Variants in STAT3 observed in about 807,000 individuals in gnomAD.
STAT3 encodes the protein DNA-binding protein APRF.
A neutral mutation model predicts 114.3 loss-of-function variants in STAT3; 7 were observed. The observed-to-expected ratio is 0.06, with a 90% confidence interval of 0.03 to 0.11. The LOEUF (loss-of-function observed/expected upper bound fraction) is 0.11, where lower values mean the gene tolerates loss of function less well. Among genes scored for constraint, STAT3 ranks in the 10% least tolerant of loss-of-function variants. STAT3 has a pLI of 1.00. For synonymous variants in STAT3, 331 were observed against 354.5 expected, an observed-to-expected ratio of 0.93 and a Z score of 0.74; for missense variants, 364 against 960.9, an observed-to-expected ratio of 0.38 and a Z score of 8.21.
Position 42,315,548 on chromosome 17 carries a change from G to A in STAT3, c.*197C>T, listed in dbSNP as rs2081214970. 2 of 645,026 alleles carry A rather than the reference G, an allele frequency of 3.1e-6. No homozygotes were observed. Among genetic ancestry groups the A allele is most frequent in the Non-Finnish European group, 5.5e-6 (2 of 361,278 alleles). The allele number at this position is 645,026 out of a possible 1,614,324, so 40.0% of individuals were successfully genotyped here. ...CCTTATTTGCATTTAGATAAAAGCA[G>A]ATCACCCACATTCACTCATTTCTCT... On this transcript the variant is annotated 3_prime_UTR_variant, in exon 24 of 24. Transcript: ENST00000264657.
chr17:42,359,097 G>A (rs562748974), intron 1 of STAT3, among the ~76,000 whole-genome samples: 28 of 151,702 alleles, frequency 1.8e-4, no homozygotes, highest in African/African-American at 5.1e-4. Context: ...CACCACACCC[G>A]GCTAATTTTT....
intron 1 of STAT3, among the ~76,000 whole-genome samples, chr17:42,350,908 G>A (rs1265666249): frequency 2.0e-5 from 3 of 152,072 alleles, no homozygotes; most frequent in Non-Finnish European, 4.4e-5. Context: ...CAAGGCAGGC[G>A]GATCATGAGG....
At chr17:42,375,864 A>G (rs2084425079) in intron 1 of STAT3, among the ~76,000 whole-genome samples, 1 of 151,620 alleles carries the variant, frequency 6.6e-6, no homozygotes, top group South Asian at 2.1e-4. Flanking sequence ...AAGAAAAGAA[A>G]TAATAGAGCC....
At chr17:42,345,142 A>G (rs929597647) in intron 4 of STAT3, among the ~76,000 whole-genome samples, 1 of 151,794 alleles carries the variant, frequency 6.6e-6, no homozygotes, top group African/African-American at 2.4e-5. Flanking sequence ...GCACACGCCT[A>G]TAATCCCAGC....
At chr17:42,322,542 C>T (rs1357714916) in intron 20 of STAT3, 48 bp from the exon 21 acceptor site, 1 of 1,606,516 alleles carries the variant, frequency 6.2e-7, no homozygotes, top group South Asian at 1.1e-5. Context: ...ACAGCTAGGT[C>T]ATCTCAGAGA....
intron 1 of STAT3, among the ~76,000 whole-genome samples, chr17:42,385,648 C>T (rs920039299): frequency 1.3e-5 from 2 of 152,082 alleles, no homozygotes; most frequent in Admixed American, 6.6e-5. Flanking sequence ...TCAAGAGACA[C>T]GTAGAGGCAG....
chr17:42,325,469 G>GT (rs2081664032), intron 15 of STAT3, among the ~76,000 whole-genome samples: 1 of 152,128 alleles, frequency 6.6e-6, no homozygotes, highest in Admixed American at 6.5e-5. Flanking sequence ...AATCAAGAAA[G>GT]TTGGGAAAGG....
intron 1 of STAT3, among the ~76,000 whole-genome samples, chr17:42,384,129 T>TTTA (rs2084954356): frequency 1.4e-5 from 1 of 71,220 alleles, no homozygotes. Context: ...TATTTATTTA[T>TTTA]TTATTTTTTT....
At chr17:42,385,147 T>G (rs78734894) in intron 1 of STAT3, among the ~76,000 whole-genome samples, 5 of 152,146 alleles carry the variant, frequency 3.3e-5, no homozygotes, top group Admixed American at 6.6e-5. Flanking sequence ...GCTCCCCCAG[T>G]AGACTGCAAT....
chr17:42,329,352 A>T (rs942062589), intron 14 of STAT3, 58 bp downstream of exon 14: 1 of 1,600,210 alleles, frequency 6.2e-7, no homozygotes, highest in South Asian at 1.1e-5. Context: ...AAGGATCTTT[A>T]CCCCTCTCTC....
chr17:42,330,344 G>A lies in STAT3; in HGVS notation c.1110-568C>T, dbSNP rs368137143. Among the ~76,000 whole-genome samples, 48 of 151,854 alleles carry A rather than the reference G, an allele frequency of 3.2e-4. 1 individual carries two copies. The South Asian group carries it at 3.9e-3, about 12-fold the overall frequency. ...TTGGTCGGGCTGGTTTCGAACTCTCGACCTCAGGTGATCTGCCCACCTCAG... is the reference window on the plus strand; with the variant it reads ...TTGGTCGGGCTGGTTTCGAACTCTCAACCTCAGGTGATCTGCCCACCTCAG... On this transcript the variant is annotated intron_variant, in intron 11 of 23. Coordinates refer to ENST00000264657, the MANE Select transcript of STAT3 (RefSeq NM_139276.3).
At chr17:42,363,590 C>T (rs1448583207) in intron 1 of STAT3, among the ~76,000 whole-genome samples, 2 of 151,554 alleles carry the variant, frequency 1.3e-5, no homozygotes, top group Admixed American at 6.6e-5. Context: ...ATTACAGGCA[C>T]ATGCCACCAT....
chr17:42,367,232 G>A (rs1369675980), intron 1 of STAT3, among the ~76,000 whole-genome samples: 2 of 151,890 alleles, frequency 1.3e-5, no homozygotes, highest in Non-Finnish European at 2.9e-5. Context: ...CTAGCTACTC[G>A]GGAGGCTGAG....
intron 14 of STAT3, among the ~76,000 whole-genome samples, chr17:42,327,208 C>T (rs2081766713): frequency 6.6e-6 from 1 of 152,198 alleles, no homozygotes; most frequent in Admixed American, 6.5e-5. Flanking sequence ...ATCCCCTTCC[C>T]TCCTCCCTCA....
rs1022624627 is a variant in STAT3 at position 42,376,145 on chromosome 17, C to T, written c.-24+12134G>A. Reference sequence around the variant, plus strand: ...CAGCCTGGGTGACAGAGTGAGACTCCGTCTCAAAAAAAAAAAGAGAAAGAA... The same window carrying T: ...CAGCCTGGGTGACAGAGTGAGACTCTGTCTCAAAAAAAAAAAGAGAAAGAA... On this transcript the variant is annotated intron_variant, in intron 1 of 23. Transcript: ENST00000264657. Among the ~76,000 whole-genome samples the T allele has an allele frequency of 6.1e-4, 24 of 39,030 alleles. 1 individual carries two copies. The highest frequency in any genetic ancestry group is 2.6e-3 in the Admixed American group (6 of 2,308). 25.6% of individuals were successfully genotyped at this position (39,030 alleles called of 152,430 possible).
chr17:42,323,402 C>A, intron 18 of STAT3, 48 bp from the exon 19 acceptor site: 1 of 1,604,388 alleles, frequency 6.2e-7, no homozygotes, highest in Non-Finnish European at 8.5e-7. Flanking sequence ...CATCCCAGCC[C>A]TTCCCTTCCT....
intron 1 of STAT3, among the ~76,000 whole-genome samples, chr17:42,374,849 T>G (rs2084366456): frequency 6.6e-6 from 1 of 152,238 alleles, no homozygotes; most frequent in African/African-American, 2.4e-5. Flanking sequence ...ATCTCATCTC[T>G]GCTATCTGAT....
rs745741642 is a variant in STAT3 at position 42,333,851 on chromosome 17, A to AT, written c.956+39dup. 9 of 1,613,992 alleles carry AT rather than the reference A, an allele frequency of 5.6e-6. No individual in the cohort carries two copies. The highest frequency in any genetic ancestry group is 5.9e-6 in the Non-Finnish European group (7 of 1,180,020). ...CACTCTACCACGTGAGTCTTTAGGT[A>AT]TTTTTTAGATGAGGGAAAGGGACAA... On this transcript the variant is annotated intron_variant, in intron 9 of 23. Coordinates refer to ENST00000264657, the MANE Select transcript of STAT3 (RefSeq NM_139276.3). The surrounding 1 kb of genome is among the most constrained non-coding windows in gnomAD (Gnocchi z 5.2).
intron 10 of STAT3, among the ~76,000 whole-genome samples, chr17:42,331,937 T>C (rs1015367939): frequency 4.3e-5 from 6 of 140,792 alleles, no homozygotes; most frequent in East Asian, 2.0e-4. Flanking sequence ...CTCTTTCTCT[T>C]TTTTTTTTTT....
Sources: gnomAD v4.1 joint callset for allele counts (sites outside exome capture counted in the v4.1 genomes callset) on GRCh38, gnomAD v4.1.1 for gene constraint, Gnocchi (gnomAD v3.1) non-coding constraint, MANE v1.5 for transcripts, NCBI Gene and HGNC (gene_info 2026-07-23, HGNC 2026-07-21) for gene names.